CHN1: variants seen among roughly 807,000 people sequenced by gnomAD.
CHN1 encodes N-chimaerin.
In CHN1, 37 loss-of-function variants were observed where a neutral mutation model predicts 59.5. The ratio of observed to expected loss-of-function variants is 0.62; its 90% CI spans 0.48 to 0.82. The LOEUF is 0.82. CHN1 is among the 40% of genes least tolerant of loss of function. The pLI, the probability that CHN1 is intolerant of heterozygous loss-of-function variation, is 0.00. For missense variants in CHN1, 469 were observed against 571.0 expected, an observed-to-expected ratio of 0.82 and a Z score of 1.82; for synonymous variants, 206 against 200.4, an observed-to-expected ratio of 1.03 and a Z score of -0.24.
At chr2:174,969,560 T>C (rs998387773) in intron 1 of CHN1, among the ~76,000 whole-genome samples, 1 of 152,186 alleles carries the variant, frequency 6.6e-6, no homozygotes. Context: ...CACTTCCACC[T>C]AGCTGTTTCT....
intron 12 of CHN1, 57 bp from the exon 13 acceptor site, chr2:174,800,344 G>A: frequency 3.2e-6 from 4 of 1,256,842 alleles, no homozygotes; most frequent in Non-Finnish European, 4.2e-6. Context: ...GTTCTTCATT[G>A]TGCTTGAACA....
At chr2:174,941,593 TAA>T (rs1689664744) in intron 3 of CHN1, among the ~76,000 whole-genome samples, 1 of 152,112 alleles carries the variant, frequency 6.6e-6, no homozygotes, top group Non-Finnish European at 1.5e-5. Context: ...AAGACTTCTC[TAA>T]GTCTGTTTTT....
At chr2:174,881,548 G>A (rs1046305956) in intron 5 of CHN1, among the ~76,000 whole-genome samples, 7 of 152,182 alleles carry the variant, frequency 4.6e-5, no homozygotes, top group East Asian at 1.9e-4. Flanking sequence ...TAGTAGGCTC[G>A]AGTGGTAGTT....
chr2:174,937,544 T>C (rs1689534428), intron 3 of CHN1, among the ~76,000 whole-genome samples: 1 of 152,214 alleles, frequency 6.6e-6, no homozygotes, highest in African/African-American at 2.4e-5. Flanking sequence ...TTTCTCTTTT[T>C]CTCTCAACAT....
At chr2:174,961,112 T>G (rs1430796206) in intron 1 of CHN1, among the ~76,000 whole-genome samples, 1 of 80,902 alleles carries the variant, frequency 1.2e-5, no homozygotes. Flanking sequence ...TGGGTGACAC[T>G]GACGGAGGGA....
chr2:174,881,046 CAA>C (rs34149509), intron 5 of CHN1, among the ~76,000 whole-genome samples: 16 of 81,882 alleles, frequency 2.0e-4, no homozygotes, highest in Admixed American at 4.2e-4. Flanking sequence ...AACTCCATCT[CAA>C]AAAAAAAAAA....
At chr2:174,920,349 T>C (rs1688980108) in intron 3 of CHN1, among the ~76,000 whole-genome samples, 1 of 152,186 alleles carries the variant, frequency 6.6e-6, no homozygotes, top group Non-Finnish European at 1.5e-5. Context: ...ATACACCAAC[T>C]AGTGAGATTG....
At chr2:174,881,400 G>C (rs1687732184) in intron 5 of CHN1, among the ~76,000 whole-genome samples, 1 of 152,128 alleles carries the variant, frequency 6.6e-6, no homozygotes, top group Non-Finnish European at 1.5e-5. Context: ...TTAAATCCTG[G>C]ATCTGCCACT....
chr2:174,986,742 G>A (rs542552925), intron 1 of CHN1, among the ~76,000 whole-genome samples: 6 of 152,280 alleles, frequency 3.9e-5, no homozygotes, highest in African/African-American at 1.4e-4. Flanking sequence ...TTTTTTGTTT[G>A]TTTGCTTGTT....
intron 3 of CHN1, among the ~76,000 whole-genome samples, chr2:174,942,075 C>T (rs1248960589): frequency 6.6e-6 from 1 of 152,132 alleles, no homozygotes; most frequent in African/African-American, 2.4e-5. Flanking sequence ...CAAATTAATA[C>T]AGCCATTATG....
At chr2:174,888,756 G>A (rs2105344676) in intron 5 of CHN1, among the ~76,000 whole-genome samples, 1 of 152,272 alleles carries the variant, frequency 6.6e-6, no homozygotes, top group African/African-American at 2.4e-5. Context: ...GGAGAAGAGT[G>A]GAACATGCAT....
intron 1 of CHN1, among the ~76,000 whole-genome samples, chr2:174,979,146 C>T (rs1320910480): frequency 6.6e-6 from 1 of 152,022 alleles, no homozygotes; most frequent in South Asian, 2.1e-4. Context: ...AATTTCAAGT[C>T]GAGGCATCAT....
chr2:174,819,808 TC>T (rs1184136719), intron 8 of CHN1, among the ~76,000 whole-genome samples: 1 of 88,486 alleles, frequency 1.1e-5, no homozygotes, highest in African/African-American at 4.6e-5. Context: ...ATGCTATCCC[TC>T]CCCCCTCCCC....
chr2:174,957,044 G>A (rs910012018), intron 1 of CHN1, among the ~76,000 whole-genome samples: 13 of 152,004 alleles, frequency 8.6e-5, no homozygotes, highest in Admixed American at 5.2e-4. Flanking sequence ...ACCTTATTTC[G>A]TATATACCGT....
At chr2:174,816,745 A>T (rs1265846567) in intron 8 of CHN1, among the ~76,000 whole-genome samples, 2 of 152,060 alleles carry the variant, frequency 1.3e-5, no homozygotes, top group Non-Finnish European at 2.9e-5. Context: ...TTTTGTTATA[A>T]TTATTGGGAG....
At chr2:174,880,068 A>G (rs1028446655) in intron 5 of CHN1, among the ~76,000 whole-genome samples, 1 of 152,052 alleles carries the variant, frequency 6.6e-6, no homozygotes, top group Non-Finnish European at 1.5e-5. Flanking sequence ...AAAAAACCCT[A>G]TTTATCCTTT....
intron 2 of CHN1, among the ~76,000 whole-genome samples, chr2:174,947,483 TTTAA>T: frequency 2.0e-5 from 3 of 150,154 alleles, no homozygotes. Flanking sequence ...TCTTTTTTTT[TTTAA>T]TTTTTTTTTT....
intron 5 of CHN1, among the ~76,000 whole-genome samples, chr2:174,891,781 T>C (rs1417750406): frequency 1.3e-5 from 2 of 151,296 alleles, no homozygotes; most frequent in South Asian, 2.1e-4. Context: ...TGATTAGAGC[T>C]GAAATAAACA....
chr2:174,839,148 T>C (rs1216042589), intron 7 of CHN1, among the ~76,000 whole-genome samples: 2 of 152,162 alleles, frequency 1.3e-5, no homozygotes, highest in African/African-American at 4.8e-5. Flanking sequence ...AGCTAATTAA[T>C]GTAAGCATTA....
Sources: allele counts gnomAD v4.1 joint callset (sites outside exome capture counted in the v4.1 genomes callset), GRCh38; gene constraint gnomAD v4.1.1; transcripts MANE v1.5; gene names NCBI Gene and HGNC (gene_info 2026-07-23, HGNC 2026-07-21).